EXOC4: variants seen among roughly 807,000 people sequenced by gnomAD.
The protein encoded by EXOC4 is SEC8-like 1.
A neutral mutation model predicts 107.2 loss-of-function variants in EXOC4; 71 were observed. The observed-to-expected ratio is 0.66, with a 90% CI of 0.55 to 0.81. EXOC4 has a LOEUF of 0.81. Among genes scored for constraint, EXOC4 ranks in the 30% least tolerant of loss-of-function variants. EXOC4 has a pLI of 0.00. For missense variants in EXOC4, 1,108 were observed against 1,189.6 expected (o/e 0.93, Z 1.01); for synonymous variants, 456 against 441.2 (o/e 1.03, Z -0.42).
intron 14 of EXOC4, among the ~76,000 whole-genome samples, chr7:133,986,981 G>A (rs533318718): frequency 3.9e-5 from 6 of 152,198 alleles, no homozygotes; most frequent in Admixed American, 6.5e-5. Context: ...TGTAGGCCTC[G>A]TGAATCCTTA....
intron 9 of EXOC4, among the ~76,000 whole-genome samples, chr7:133,606,316 C>T (rs1306376292): frequency 5.9e-5 from 9 of 152,082 alleles, no homozygotes; most frequent in South Asian, 2.1e-4. Flanking sequence ...CCCCTTATCC[C>T]CAATATTGCT....
intron 10 of EXOC4, among the ~76,000 whole-genome samples, chr7:133,762,684 C>T (rs1051029720): frequency 6.6e-6 from 1 of 151,896 alleles, no homozygotes; most frequent in Non-Finnish European, 1.5e-5. Context: ...ATCCATATTA[C>T]GTAGTGTTAT....
intron 9 of EXOC4, among the ~76,000 whole-genome samples, chr7:133,485,963 A>G (rs1431921865): frequency 1.3e-5 from 2 of 152,088 alleles, no homozygotes; most frequent in African/African-American, 2.4e-5. Context: ...TTTCTTTTCT[A>G]TCTCGGGGCT....
chr7:133,967,641 A>T (rs911603637), intron 14 of EXOC4, among the ~76,000 whole-genome samples: 1 of 152,062 alleles, frequency 6.6e-6, no homozygotes, highest in Non-Finnish European at 1.5e-5. Context: ...TGTGGTTTTG[A>T]GTGTGTTTCT....
rs559387306 is a variant in EXOC4, at chr7:133,713,541, A to G, written c.1514+83400A>G. Among the ~76,000 whole-genome samples the G allele has an allele frequency of 2.0e-5, 3 of 152,314 alleles. No homozygotes were observed. The South Asian group carries it at 6.2e-4, about 32-fold the overall frequency. On this transcript the variant is annotated intron_variant, in intron 10 of 17. Transcript: ENST00000253861. ...AATAGAAAGACCAAAAAATAAGTAA[A>G]CAAACACAAGAAAGGTATTTGATAT...
intron 10 of EXOC4, among the ~76,000 whole-genome samples, chr7:133,803,730 A>G (rs966962284): frequency 1.3e-5 from 2 of 152,166 alleles, no homozygotes; most frequent in Non-Finnish European, 2.9e-5. Context: ...ACTTTTCTAT[A>G]TCTCAGATTT....
In EXOC4 at chr7:134,064,496, G is replaced by A; in HGVS notation, c.2893G>A (p.Ala965Thr). 6.2e-7 allele frequency: 1 copy of A among 1,605,988 alleles called. No individual in the cohort carries two copies. The highest frequency in any genetic ancestry group is 8.5e-7 in the Non-Finnish European group (1 of 1,175,928). The change falls in exon 18 of 18, where the codon GCC becomes ACC. Residue 965 changes from alanine (A) to threonine (T), a missense_variant. By Grantham distance (58) the Ala-to-Thr change is moderately conservative. Coordinates refer to ENST00000253861, the MANE Select transcript of EXOC4 (RefSeq NM_021807.4). ...CTGCGAGCAGGCTGCCATCAAGCAA[G>A]CCACCAAGGACAAGAAGATAACTAC... ...IICEQAAIKQ[A>T]TKDKKITTV
intron 9 of EXOC4, among the ~76,000 whole-genome samples, chr7:133,553,281 G>C (rs1010734761): frequency 7.2e-5 from 11 of 152,114 alleles, no homozygotes. Flanking sequence ...AACTAATTCA[G>C]GCCTTTTGCC....
At chr7:134,091,605 G>A in the EXOC4 span, among the ~76,000 whole-genome samples, 3 of 152,184 alleles carry the variant, frequency 2.0e-5, no homozygotes, top group African/African-American at 4.8e-5. Context: ...TATTCAAGAT[G>A]GAGTTGCTCT....
chr7:133,525,390 A>G (rs1291515384), intron 9 of EXOC4, among the ~76,000 whole-genome samples: 1 of 152,108 alleles, frequency 6.6e-6, no homozygotes, highest in South Asian at 2.1e-4. Context: ...GTTGCTTCCT[A>G]ACTTTTCTGT....
At chr7:133,684,932 C>T (rs1018006236) in intron 10 of EXOC4, among the ~76,000 whole-genome samples, 5 of 151,964 alleles carry the variant, frequency 3.3e-5, no homozygotes, top group South Asian at 2.1e-4. Context: ...AGGGTTACCT[C>T]GTCAATTAAA....
chr7:133,767,717 A>C (rs141377279), intron 10 of EXOC4, among the ~76,000 whole-genome samples: 1 of 152,084 alleles, frequency 6.6e-6, no homozygotes, highest in East Asian at 1.9e-4. Flanking sequence ...TTTGTGTTCT[A>C]AGTCAGACCC....
At chr7:133,529,368 T>G (rs718078) in intron 9 of EXOC4, among the ~76,000 whole-genome samples, 151,710 of 152,280 alleles carry the variant, frequency 1, 75,577 homozygotes, top group Middle Eastern at 1. Context: ...TGCTCCCTTT[T>G]GTATAAAAAG....
At chr7:133,658,562 T>C (rs187822232) in intron 10 of EXOC4, among the ~76,000 whole-genome samples, 1 of 152,324 alleles carries the variant, frequency 6.6e-6, no homozygotes, top group East Asian at 1.9e-4. Context: ...CAGCCTGTGC[T>C]AACTGAAATC....
chr7:133,275,321 T>G, intron 2 of EXOC4, 150 bp downstream of exon 2: 1 of 602,444 alleles, frequency 1.7e-6, no homozygotes, highest in Non-Finnish European at 2.6e-6. Context: ...CTGGAAAGGC[T>G]GGTTGGGAAA....
intron 7 of EXOC4, among the ~76,000 whole-genome samples, chr7:133,448,699 T>C (rs1798274017): frequency 6.6e-6 from 1 of 152,182 alleles, no homozygotes; most frequent in Non-Finnish European, 1.5e-5. Context: ...GTCTGGTATA[T>C]GTGAATGTGA....
At chr7:133,545,376 T>C (rs1406031536) in intron 9 of EXOC4, among the ~76,000 whole-genome samples, 4 of 152,162 alleles carry the variant, frequency 2.6e-5, no homozygotes. Flanking sequence ...TTCAGGGGAT[T>C]AAATAAGTGT....
intron 12 of EXOC4, among the ~76,000 whole-genome samples, chr7:133,896,422 T>C (rs573370104): frequency 2.6e-5 from 4 of 152,268 alleles, no homozygotes; most frequent in South Asian, 4.1e-4. Context: ...ATATGTGATA[T>C]ATAATGAAGG....
intron 10 of EXOC4, among the ~76,000 whole-genome samples, chr7:133,804,044 AGAT>A (rs1405548810): frequency 6.6e-6 from 1 of 152,208 alleles, no homozygotes; most frequent in African/African-American, 2.4e-5. Flanking sequence ...ATATATCAAT[AGAT>A]GACCCAAAGT....
Sources: gnomAD v4.1 joint callset for allele counts (sites outside exome capture counted in the v4.1 genomes callset) on GRCh38, gnomAD v4.1.1 for gene constraint, MANE v1.5 for transcripts, NCBI Gene and HGNC (gene_info 2026-07-23, HGNC 2026-07-21) for gene names.